MYOCD: variants seen among roughly 807,000 people sequenced by gnomAD.
MYOCD encodes myocardin.
Under a neutral mutation model 96.1 loss-of-function variants are expected in MYOCD, and 32 were observed. That is an observed-to-expected ratio of 0.33 (90% CI 0.25 to 0.45). MYOCD has a LOEUF of 0.45. MYOCD is among the 20% of genes least tolerant of loss of function. MYOCD has a pLI of 1.00. For missense variants in MYOCD, 1,133 were observed against 1,200.6 expected (o/e 0.94, Z 0.83); for synonymous variants, 469 against 469.0 (o/e 1.00, Z 0.00).
intron 5 of MYOCD, among the ~76,000 whole-genome samples, chr17:12,732,023 C>T (rs1230101610): frequency 1.3e-5 from 2 of 152,168 alleles, no homozygotes; most frequent in African/African-American, 2.4e-5. Flanking sequence ...GCCTGGACAG[C>T]GACCAGTGGT....
At position 12,758,179 on chromosome 17, in the gene MYOCD, C is replaced by T; in HGVS notation, c.2297C>T (p.Thr766Ile). The T allele has an allele frequency of 6.2e-7, 1 of 1,614,150 alleles. No homozygotes were observed. The highest frequency in any genetic ancestry group is 8.5e-7 in the Non-Finnish European group (1 of 1,179,996). ...SKSSSAISEV[T>I]QPPSYEDAVK... ...TCAAGTTCAGCAATTTCAGAGGTAACACAGCCTCCATCCTATGAAGATGCC... is the reference window on the plus strand; with the variant it reads ...TCAAGTTCAGCAATTTCAGAGGTAATACAGCCTCCATCCTATGAAGATGCC... The change falls in exon 12 of 14, where the codon ACA (threonine) becomes ATA (isoleucine). Residue 766 changes from threonine (T) to isoleucine (I), a missense_variant. Coordinates refer to ENST00000425538, the MANE Select transcript of MYOCD (RefSeq NM_001146312.3).
intron 1 of MYOCD, among the ~76,000 whole-genome samples, chr17:12,698,940 C>T (rs1417714133): frequency 1.3e-5 from 2 of 151,510 alleles, no homozygotes; most frequent in East Asian, 3.9e-4. Context: ...GACGGGGTTT[C>T]ACCGTGTTAG....
intron 10 of MYOCD, among the ~76,000 whole-genome samples, chr17:12,754,061 G>GGTGTGTGT (rs71144923): frequency 0.07 from 10,467 of 149,450 alleles, 519 homozygotes; most frequent in Middle Eastern, 0.1. Flanking sequence ...AAAGCAAAGA[G>GGTGTGTGT]GTGTGTGTGT....
In MYOCD at chr17:12,697,359, A is replaced by ATTT. The variant is rs71144918; in HGVS notation, c.56-7750_56-7748dup. Among the ~76,000 whole-genome samples the ATTT allele has an allele frequency of 8.5e-4, 64 of 75,720 alleles. 1 individual carries two copies. The highest frequency in any genetic ancestry group is 1.3e-3 in the Non-Finnish European group (57 of 43,250). The allele number at this position is 75,720 out of a possible 152,430, so 49.7% of individuals were successfully genotyped here. On this transcript the variant is annotated intron_variant, in intron 1 of 13. Transcript: ENST00000425538. ...AGTATATATATATATATATATATAT[A>ATTT]TTTTTTTTTTTTTTTTTTTTTGAGA...
intron 6 of MYOCD, among the ~76,000 whole-genome samples, chr17:12,737,004 C>T (rs190682786): frequency 6.8e-4 from 104 of 152,280 alleles, no homozygotes; most frequent in Middle Eastern, 3.4e-3. Flanking sequence ...CCTGCAATCC[C>T]GGCACTTTGG....
At chr17:12,669,879 TCTG>T in intron 1 of MYOCD, among the ~76,000 whole-genome samples, 1 of 152,288 alleles carries the variant, frequency 6.6e-6, no homozygotes, top group Admixed American at 6.5e-5. Flanking sequence ...ATCAACACTT[TCTG>T]CTGCCCCATC....
At chr17:12,688,309 A>G (rs2030236015) in intron 1 of MYOCD, among the ~76,000 whole-genome samples, 1 of 152,250 alleles carries the variant, frequency 6.6e-6, no homozygotes, top group African/African-American at 2.4e-5. Context: ...GATCGCTTAT[A>G]GGAATGATCC....
intron 5 of MYOCD, among the ~76,000 whole-genome samples, chr17:12,724,294 A>T (rs142657914): frequency 6.6e-6 from 1 of 152,192 alleles, no homozygotes; most frequent in Non-Finnish European, 1.5e-5. Context: ...CATGATAGGA[A>T]AAAGGTCTCC....
intron 2 of MYOCD, among the ~76,000 whole-genome samples, chr17:12,706,292 T>C (rs776205673): frequency 9.2e-5 from 14 of 152,244 alleles, no homozygotes; most frequent in Non-Finnish European, 1.9e-4. Context: ...ATTTCAAGGC[T>C]GTTTAAACAA....
chr17:12,750,688 C>CA (rs1222306517), intron 9 of MYOCD, among the ~76,000 whole-genome samples: 25 of 150,334 alleles, frequency 1.7e-4, no homozygotes, highest in Admixed American at 1.1e-3. Flanking sequence ...GACTCCGCCT[C>CA]AAAAAAAAAC....
At chr17:12,755,998 G>A (rs1466845283) in intron 10 of MYOCD, among the ~76,000 whole-genome samples, 1 of 152,198 alleles carries the variant, frequency 6.6e-6, no homozygotes, top group Non-Finnish European at 1.5e-5. Flanking sequence ...AAAGGTCCAG[G>A]AAGCTTTCAT....
intron 9 of MYOCD, 46 bp downstream of exon 9, chr17:12,746,118 A>G (rs1344189824): frequency 5.0e-6 from 8 of 1,598,172 alleles, no homozygotes; most frequent in Non-Finnish European, 6.8e-6. Context: ...AACAAATACA[A>G]CAGTATGTTG....
rs1386299812 is a variant in MYOCD, at chr17:12,763,222, T to C, written c.2539T>C (p.Tyr847His). ...AGGCAGCCAGATCCCCTTTGATCCC[T>C]ATGCCACCGACAGTGATGAGCATCT... Reference protein sequence around the residue: ...SSGSQIPFDPYATDSDEHLEV... With the variant: ...SSGSQIPFDPHATDSDEHLEV... Residue 847 changes from tyrosine (Y) to histidine (H), a missense_variant, in exon 14 of 14, where the codon TAT becomes CAT. Physicochemically the swap from Tyr to His is moderately conservative, Grantham distance 83. Transcript: ENST00000425538. 2.5e-6 allele frequency: 4 copies of C among 1,614,024 alleles called. No homozygotes were observed. Among genetic ancestry groups the C allele is most frequent in the Non-Finnish European group, 3.4e-6 (4 of 1,180,014 alleles).
At chr17:12,732,837 G>A (rs12944722) in intron 5 of MYOCD, among the ~76,000 whole-genome samples, 3 of 151,908 alleles carry the variant, frequency 2.0e-5, no homozygotes, top group Non-Finnish European at 4.4e-5. Context: ...CTTCAGGGCT[G>A]CAACAATCTT....
Position 12,752,522 on chromosome 17 carries a change from G to C in MYOCD, c.1234G>C (p.Val412Leu), listed in dbSNP as rs200094820. 4.5e-4 allele frequency: 722 copies of C among 1,614,166 alleles called. 6 individuals are homozygous for C. The Middle Eastern group carries it at 8.9e-3, about 20-fold the overall frequency. The change falls in exon 10 of 14, where the codon GTG (valine) becomes CTG (leucine). Residue 412 changes from valine to leucine, a missense_variant. Coordinates refer to ENST00000425538, the MANE Select transcript of MYOCD (RefSeq NM_001146312.3). ...CTTCCAGGACTGCTCTGGCAACCCAGTGCCGAACTTTGGGGATATAACGAC... is the reference window on the plus strand; with the variant it reads ...CTTCCAGGACTGCTCTGGCAACCCACTGCCGAACTTTGGGGATATAACGAC... ...RPFQDCSGNP[V>L]PNFGDITTVT...
chr17:12,690,460 G>A lies in MYOCD; in HGVS notation c.56-14668G>A, dbSNP rs74722222. 9.8e-3 allele frequency among the ~76,000 whole-genome samples: 1,487 copies of A among 151,866 alleles called. 25 individuals carry two copies. The highest frequency in any genetic ancestry group is 0.033 in the African/African-American group (1,381 of 41,412). ...AGAAAATTAAGTTTACAGGAAAAAG[G>A]GATTAAATAGATATTGAAGCATAAT... On this transcript the variant is annotated intron_variant, in intron 1 of 13. Transcript: ENST00000425538.
chr17:12,756,464 C>T lies in MYOCD; in HGVS notation c.2109C>T (p.Ser703=). ...GHPPSFSPHS[S]SLHPPFSGAQ... ...CTCCAAGCTTCTCTCCCCATTCTTC[C>T]AGCCTCCACCCGCCCTTCTCTGGAG... Residue 703 remains serine, a synonymous_variant, in exon 11 of 14, where the codon TCC becomes TCT. Coordinates refer to ENST00000425538, the MANE Select transcript of MYOCD (RefSeq NM_001146312.3). 6.4e-7 allele frequency: 1 copy of T among 1,551,992 alleles called. No homozygotes were observed. The highest frequency in any genetic ancestry group is 1.2e-5 in the South Asian group (1 of 84,040).
At chr17:12,732,145 A>T (rs928375873) in intron 5 of MYOCD, among the ~76,000 whole-genome samples, 3 of 152,048 alleles carry the variant, frequency 2.0e-5, no homozygotes, top group African/African-American at 4.8e-5. Context: ...CGCAGGTGTA[A>T]ACCCGTACGC....
chr17:12,741,655 G>C (rs1387996216), intron 7 of MYOCD, among the ~76,000 whole-genome samples: 3 of 151,916 alleles, frequency 2.0e-5, no homozygotes, highest in African/African-American at 7.3e-5. Context: ...GTGGCAGTGA[G>C]CCGAGATCGC....
Sources: allele counts gnomAD v4.1 joint callset (sites outside exome capture counted in the v4.1 genomes callset), GRCh38; gene constraint gnomAD v4.1.1; transcripts MANE v1.5; gene names NCBI Gene and HGNC (gene_info 2026-07-23, HGNC 2026-07-21).